The following RBP4 variants were observed in gnomAD, a reference collection of about 807,000 sequenced individuals.
RBP4 encodes the protein retinol-binding protein 4.
In RBP4, 9 loss-of-function variants were observed where a neutral mutation model predicts 26.2. The observed-to-expected ratio is 0.34, with a 90% CI of 0.21 to 0.60. The LOEUF is 0.60. Ranked by LOEUF, RBP4 falls within the 20% of genes least tolerant of loss-of-function variation. The pLI is 0.80. For missense variants in RBP4, 244 were observed against 271.3 expected (o/e 0.90, Z 0.71); for synonymous variants, 114 against 111.0 (o/e 1.03, Z -0.17).
At chr10:93,597,384 T>G (rs2058309251) in intron 4 of RBP4, among the ~76,000 whole-genome samples, 1 of 152,234 alleles carries the variant, frequency 6.6e-6, no homozygotes, top group African/African-American at 2.4e-5. Context: ...AACTAATATT[T>G]ATTGAGCACT....
chr10:93,601,350 GCCCTGACTCA>G, upstream of RBP4: 1 of 1,242,048 alleles, frequency 8.1e-7, no homozygotes, highest in Non-Finnish European at 1.0e-6. Flanking sequence ...TGCATAACGC[GCCCTGACTCA>G]CCGGAGCCCG....
chr10:93,598,956 A>G (rs1451052338), intron 4 of RBP4, among the ~76,000 whole-genome samples: 1 of 152,234 alleles, frequency 6.6e-6, no homozygotes, highest in Admixed American at 6.5e-5. Flanking sequence ...AAAGCTTCTA[A>G]GCTTTTTCTC....
At chr10:93,601,143 C>T (rs2058336343) in intron 1 of RBP4, 28 bp downstream of exon 1, 2 of 1,487,394 alleles carry the variant, frequency 1.3e-6, no homozygotes, top group South Asian at 2.6e-5. Context: ...ATCCCGCCGC[C>T]GGCCCCGAGG....
At position 93,601,155 on chromosome 10, in the gene RBP4, C is replaced by T. The variant is rs2058336530; in HGVS notation, c.-19+16G>A. On this transcript the variant is annotated intron_variant, in intron 1 of 5. Coordinates refer to ENST00000371464, the MANE Select transcript of RBP4 (RefSeq NM_006744.4). Reference sequence around the variant, plus strand: ...CCCATCCCGCCGCCGGCCCCGAGGCCCCGGCCGCGACTCACCACCGGGAGG... The same window carrying T: ...CCCATCCCGCCGCCGGCCCCGAGGCTCCGGCCGCGACTCACCACCGGGAGG... 4 of 1,469,042 alleles carry T rather than the reference C, an allele frequency of 2.7e-6. No individual in the cohort carries two copies. The highest frequency in any genetic ancestry group is 2.3e-5 in the Admixed American group (1 of 43,208). The allele number at this position is 1,469,042 out of a possible 1,614,324, so 91.0% of individuals were successfully genotyped here. A position where few individuals can be genotyped will look rare whatever the true frequency, so the allele number is the denominator to read the frequency against.
intron 4 of RBP4, among the ~76,000 whole-genome samples, chr10:93,598,661 G>T (rs58621997): frequency 0.14 from 21,053 of 152,260 alleles, 2,256 homozygotes; most frequent in African/African-American, 0.3. Context: ...GGTTTGATAG[G>T]GGGAGGAGGC....
chr10:93,595,047 C>T (rs1298485589), intron 4 of RBP4, among the ~76,000 whole-genome samples: 1 of 152,100 alleles, frequency 6.6e-6, no homozygotes, highest in Non-Finnish European at 1.5e-5. Context: ...GCTGAGGCGG[C>T]AGGATCGTTT....
Position 93,601,012 on chromosome 10 carries a change from G to T in RBP4, c.17C>A (p.Ala6Glu). The stretch of plus-strand genomic sequence containing the variant: ...GCCCAGCGCCGCCAACAGCAAGAGC[G>T]CCCACACCCACTTCATCTTGCCCAG... MKWVW[A>E]LLLLAALGSG... The change falls in exon 2 of 6, where the codon GCG becomes GAG. Residue 6 changes from alanine (A) to glutamate (E), a missense_variant. Physicochemically the swap from Ala to Glu is moderately radical, Grantham distance 107. Transcript: ENST00000371464. The T allele has an allele frequency of 1.9e-6, 3 of 1,611,444 alleles. No individual in the cohort carries two copies. The highest frequency in any genetic ancestry group is 8.5e-7 in the Non-Finnish European group (1 of 1,179,686).
chr10:93,599,740 G>GAA (rs1359427569), intron 4 of RBP4, among the ~76,000 whole-genome samples: 1 of 152,028 alleles, frequency 6.6e-6, no homozygotes, highest in Non-Finnish European at 1.5e-5. Flanking sequence ...GATAAATGGG[G>GAA]AAAAAAATGG....
At chr10:93,595,177 C>T (rs902173075) in intron 4 of RBP4, among the ~76,000 whole-genome samples, 26 of 152,030 alleles carry the variant, frequency 1.7e-4, no homozygotes, top group Non-Finnish European at 4.4e-5. Context: ...TGTATGTGAG[C>T]GATTTGCCAC....
At chr10:93,599,294 A>T (rs572520459) in intron 4 of RBP4, among the ~76,000 whole-genome samples, 1 of 152,290 alleles carries the variant, frequency 6.6e-6, no homozygotes, top group Admixed American at 6.5e-5. Context: ...AATAAAATTT[A>T]AAAATGCAAT....
Position 93,601,037 on chromosome 10 carries a change from G to C in RBP4, c.-9C>G, listed in dbSNP as rs2058334826. ...GCCCACACCCACTTCATCTTGCCCA[G>C]GAATCCGCCCTGCGGGAGACGCGCC... On this transcript the variant is annotated 5_prime_UTR_variant, in exon 2 of 6. Coordinates refer to ENST00000371464, the MANE Select transcript of RBP4 (RefSeq NM_006744.4). The C allele has an allele frequency of 6.2e-7, 1 of 1,609,052 alleles. No homozygotes were observed. The highest frequency in any genetic ancestry group is 1.3e-5 in the African/African-American group (1 of 74,902).
chr10:93,600,559 C>A (rs1451684940), intron 3 of RBP4, 60 bp from the exon 4 acceptor site: 3 of 1,612,128 alleles, frequency 1.9e-6, no homozygotes, highest in Non-Finnish European at 2.5e-6. Flanking sequence ...CCTCCCTCCA[C>A]CCATTCGGTG....
Position 93,599,345 on chromosome 10 carries a change from G to A in RBP4, c.355+1048C>T, listed in dbSNP as rs932233744. Among the ~76,000 whole-genome samples the A allele has an allele frequency of 2.0e-5, 3 of 152,166 alleles. No individual in the cohort carries two copies. In the East Asian group the frequency reaches 5.8e-4, roughly 29 times the overall value. ...ACTTTAGAGGAAGTCCAAGAGGGTG[G>A]TGTGCCATATATGGAGAGCAAAGGG... On this transcript the variant is annotated intron_variant, in intron 4 of 5. Transcript: ENST00000371464.
At chr10:93,600,257 C>A (rs2058328015) in intron 4 of RBP4, 136 bp downstream of exon 4, 2 of 783,548 alleles carry the variant, frequency 2.6e-6, no homozygotes, top group Non-Finnish European at 4.5e-6. Context: ...TCAGGTGGTG[C>A]TGCGGGTTCC....
intron 4 of RBP4, among the ~76,000 whole-genome samples, chr10:93,594,470 T>C (rs934684614): frequency 2.0e-5 from 3 of 152,240 alleles, no homozygotes; most frequent in African/African-American, 7.2e-5. Flanking sequence ...TATTGGCTTA[T>C]GTCTTTCTCG....
rs1589687480 is a variant in RBP4, at chr10:93,601,209, T to G, written c.-57A>C. The G allele has an allele frequency of 7.6e-7, 1 of 1,315,768 alleles. No individual in the cohort carries two copies. The highest frequency in any genetic ancestry group is 9.6e-7 in the Non-Finnish European group (1 of 1,040,734). The allele number at this position is 1,315,768 out of a possible 1,614,324, so 81.5% of individuals were successfully genotyped here. A position where few individuals can be genotyped will look rare whatever the true frequency, so the allele number is the denominator to read the frequency against. ...ACCGCGCGCAAGCCTGGCCGCCGAG[T>G]CCGGGCGCGCGTGGAGCGAGGGAGG... On this transcript the variant is annotated 5_prime_UTR_variant, in exon 1 of 6. Transcript: ENST00000371464.
chr10:93,594,093 C>T (rs1589684160), intron 4 of RBP4, 58 bp from the exon 5 acceptor site: 18 of 1,545,818 alleles, frequency 1.2e-5, no homozygotes, highest in East Asian at 6.7e-5. Context: ...GCTCAGATGT[C>T]GGAGAAACTC....
chr10:93,594,531 C>T (rs1248419857), intron 4 of RBP4, among the ~76,000 whole-genome samples: 2 of 152,242 alleles, frequency 1.3e-5, no homozygotes, highest in Non-Finnish European at 2.9e-5. Flanking sequence ...GCCCCCCGCT[C>T]TCTCAGTCCT....
chr10:93,596,115 C>T (rs1310976828), intron 4 of RBP4, among the ~76,000 whole-genome samples: 1 of 152,006 alleles, frequency 6.6e-6, no homozygotes, highest in African/African-American at 2.4e-5. Flanking sequence ...GTCACAGGCA[C>T]CCTCAGACAC....
Sources: allele counts gnomAD v4.1 joint callset (sites outside exome capture counted in the v4.1 genomes callset), GRCh38; gene constraint gnomAD v4.1.1; transcripts MANE v1.5; gene names NCBI Gene and HGNC (gene_info 2026-07-23, HGNC 2026-07-21).